Variants in BMPER observed in about 807,000 individuals in gnomAD.
BMPER encodes BMP binding endothelial regulator, also known as BMP-binding endothelial regulator protein.
In BMPER, 45 loss-of-function variants were observed where a neutral mutation model predicts 87.3. That is an observed-to-expected ratio of 0.52 (90% CI 0.41 to 0.66). The LOEUF (loss-of-function observed/expected upper bound fraction) is 0.66, where lower values mean the gene tolerates loss of function less well. Ranked by LOEUF, BMPER falls within the 30% of genes least tolerant of loss-of-function variation. The pLI, the probability that BMPER is intolerant of heterozygous loss-of-function variation, is 0.00. For synonymous variants in BMPER, 326 were observed against 316.2 expected (o/e 1.03, Z -0.33); for missense variants, 784 against 867.5 (o/e 0.90, Z 1.21).
At chr7:34,007,803 T>C (rs12666728) in intron 6 of BMPER, among the ~76,000 whole-genome samples, 1 of 151,990 alleles carries the variant, frequency 6.6e-6, no homozygotes, top group Non-Finnish European at 1.5e-5. Context: ...TGAATATATT[T>C]CTTTAGGATT....
rs778610775 is a variant in BMPER at position 33,959,821 on chromosome 7, G to A, written c.320-6658G>A. 9.9e-5 allele frequency among the ~76,000 whole-genome samples: 15 copies of A among 152,128 alleles called. No individual in the cohort carries two copies. The East Asian group carries it at 2.1e-3, about 22-fold the overall frequency. ...CTATTATGATACTATAAAGTTATGC[G>A]ACTGAGCCACAATTTCATCACTTTA... On this transcript the variant is annotated intron_variant, in intron 3 of 14. Coordinates refer to ENST00000649409, the MANE Select transcript of BMPER (RefSeq NM_001365308.1).
intron 2 of BMPER, 81 bp from the exon 3 acceptor site, chr7:33,937,208 G>T: frequency 2.1e-6 from 3 of 1,454,034 alleles, no homozygotes; most frequent in South Asian, 1.2e-5. Context: ...AGTGGGGCTC[G>T]GGAAACCTCT....
chr7:34,134,293 C>A (rs1453107951), intron 13 of BMPER, among the ~76,000 whole-genome samples: 2 of 152,082 alleles, frequency 1.3e-5, no homozygotes, highest in African/African-American at 4.8e-5. Context: ...TATCAGCCAG[C>A]CTCCAAAAAG....
At chr7:33,997,556 G>T (rs1786448465) in intron 6 of BMPER, among the ~76,000 whole-genome samples, 1 of 152,168 alleles carries the variant, frequency 6.6e-6, no homozygotes, top group East Asian at 1.9e-4. Flanking sequence ...TGCCATGATT[G>T]TAGGTTTCCT....
rs938235283 is a variant in BMPER at position 33,989,714 on chromosome 7, G to A, written c.576+14930G>A. Among the ~76,000 whole-genome samples the A allele has an allele frequency of 1.8e-3, 270 of 152,298 alleles. 2 individuals are homozygous for A. The highest frequency in any genetic ancestry group is 6.1e-3 in the African/African-American group (253 of 41,580). On this transcript the variant is annotated intron_variant, in intron 6 of 14. Transcript: ENST00000649409. Reference sequence around the variant, plus strand: ...CCATGCCTGTGTCCTGAATGGTAATGCCTAGGTTTTCTTCTAGGGTTTTTA... The same window carrying A: ...CCATGCCTGTGTCCTGAATGGTAATACCTAGGTTTTCTTCTAGGGTTTTTA...
chr7:34,147,840 T>C (rs1274812352), intron 14 of BMPER, among the ~76,000 whole-genome samples: 1 of 152,018 alleles, frequency 6.6e-6, no homozygotes, highest in Admixed American at 6.5e-5. Context: ...ATCACACCTA[T>C]GTTTTAAGAA....
chr7:34,096,178 G>A (rs554608507), intron 13 of BMPER, among the ~76,000 whole-genome samples: 1 of 152,330 alleles, frequency 6.6e-6, no homozygotes, highest in Non-Finnish European at 1.5e-5. Flanking sequence ...CCTGGGGTGG[G>A]TGTCCTCAGA....
intron 13 of BMPER, among the ~76,000 whole-genome samples, chr7:34,090,676 C>T (rs968432782): frequency 6.6e-5 from 10 of 152,138 alleles, no homozygotes; most frequent in South Asian, 4.1e-4. Context: ...TTCCCTAACT[C>T]GACTCACATC....
intron 3 of BMPER, among the ~76,000 whole-genome samples, chr7:33,951,246 C>G (rs1785014672): frequency 6.6e-6 from 1 of 152,102 alleles, no homozygotes; most frequent in East Asian, 1.9e-4. Context: ...TGGGTTTTCA[C>G]CATGTTGGCC....
In BMPER at chr7:34,007,925, T is replaced by TC. The variant is rs1394970668; in HGVS notation, c.576+33141_576+33142insC. 2.6e-5 allele frequency among the ~76,000 whole-genome samples: 4 copies of TC among 152,090 alleles called. No individual in the cohort carries two copies. The East Asian group carries it at 7.8e-4, about 30-fold the overall frequency. On this transcript the variant is annotated intron_variant, in intron 6 of 14. Transcript: ENST00000649409. ...CAGTGATATTCACCTCCATTGAGAGTGTATCAGGGTGCCTGATGGACCATA... is the reference window on the plus strand; with the variant it reads ...CAGTGATATTCACCTCCATTGAGAGTCGTATCAGGGTGCCTGATGGACCATA...
intron 3 of BMPER, among the ~76,000 whole-genome samples, chr7:33,960,363 C>G (rs73316008): frequency 5.3e-5 from 8 of 152,064 alleles, no homozygotes; most frequent in Non-Finnish European, 1.0e-4. Context: ...GATTATACTT[C>G]CATATGTTTC....
At chr7:34,103,659 C>T (rs1463424970) in intron 13 of BMPER, among the ~76,000 whole-genome samples, 1 of 152,120 alleles carries the variant, frequency 6.6e-6, no homozygotes, top group Non-Finnish European at 1.5e-5. Flanking sequence ...CTTGGAAGCA[C>T]ATAGATTTTT....
At position 33,974,121 on chromosome 7, in the gene BMPER, C is replaced by T. The variant is rs919218810; in HGVS notation, c.494-581C>T. On this transcript the variant is annotated intron_variant, in intron 5 of 14. Transcript: ENST00000649409. ...GATGGGTCAGAACTGATTTTGAATT[C>T]TAGCTCTGCCACCTGCCAGCTGGGG... 2.6e-5 allele frequency among the ~76,000 whole-genome samples: 4 copies of T among 152,324 alleles called. 1 individual carries two copies. In the South Asian group the frequency reaches 8.3e-4, roughly 32 times the overall value.
chr7:33,924,129 A>G (rs1315779225), intron 2 of BMPER, among the ~76,000 whole-genome samples: 1 of 152,172 alleles, frequency 6.6e-6, no homozygotes, highest in Non-Finnish European at 1.5e-5. Context: ...AGCCAGTGAC[A>G]TCAGCTGCAT....
At chr7:34,121,685 A>G (rs1790266592) in intron 13 of BMPER, among the ~76,000 whole-genome samples, 1 of 152,256 alleles carries the variant, frequency 6.6e-6, no homozygotes, top group Non-Finnish European at 1.5e-5. Context: ...ACCATTAATT[A>G]CTAGCCTCTG....
chr7:34,047,485 G>A (rs1374085094), intron 7 of BMPER, among the ~76,000 whole-genome samples: 1 of 151,860 alleles, frequency 6.6e-6, no homozygotes, highest in East Asian at 1.9e-4. Context: ...CATCATGTTG[G>A]CCTGGATGGT....
chr7:33,980,736 C>G (rs549729392), intron 6 of BMPER, among the ~76,000 whole-genome samples: 1 of 152,132 alleles, frequency 6.6e-6, no homozygotes, highest in Non-Finnish European at 1.5e-5. Flanking sequence ...CCAAATTAAC[C>G]GGCCAAGATC....
intron 5 of BMPER, among the ~76,000 whole-genome samples, chr7:33,972,589 G>A (rs752725259): frequency 7.9e-5 from 12 of 152,008 alleles, no homozygotes; most frequent in Non-Finnish European, 1.2e-4. Context: ...CCTGAGGTCC[G>A]TGAGTGAGTA....
intron 13 of BMPER, among the ~76,000 whole-genome samples, chr7:34,115,854 G>A (rs1416275234): frequency 1.3e-5 from 2 of 152,192 alleles, no homozygotes; most frequent in African/African-American, 2.4e-5. Context: ...ATACCTAGAA[G>A]TGAAATTGCT....
Sources: gnomAD v4.1 joint callset for allele counts (sites outside exome capture counted in the v4.1 genomes callset) on GRCh38, gnomAD v4.1.1 for gene constraint, MANE v1.5 for transcripts, NCBI Gene and HGNC (gene_info 2026-07-23, HGNC 2026-07-21) for gene names.